Variants in SPOCK1 observed in about 807,000 individuals in gnomAD.
SPOCK1 encodes the protein testican-1.
SPOCK1 carries 23 observed loss-of-function variants against 55.3 expected under a neutral mutation model. The ratio of observed to expected loss-of-function variants is 0.42; its 90% confidence interval spans 0.30 to 0.59. SPOCK1 has a LOEUF of 0.59. Ranked by LOEUF, SPOCK1 falls within the 20% of genes least tolerant of loss-of-function variation. SPOCK1 has a pLI of 0.22. For missense variants in SPOCK1, 499 were observed against 552.5 expected (o/e 0.90, Z 0.97); for synonymous variants, 226 against 221.0 (o/e 1.02, Z -0.20).
At chr5:137,416,367 T>C (rs927566415) in intron 2 of SPOCK1, among the ~76,000 whole-genome samples, 1 of 152,064 alleles carries the variant, frequency 6.6e-6, no homozygotes, top group African/African-American at 2.4e-5. Context: ...CACAAAGATA[T>C]AAAGAACTCT....
At chr5:137,335,497 G>A (rs558842969) in intron 2 of SPOCK1, among the ~76,000 whole-genome samples, 2 of 152,280 alleles carry the variant, frequency 1.3e-5, no homozygotes, top group South Asian at 4.1e-4. Flanking sequence ...AAAAATTGAT[G>A]CTGTAATTTA....
At position 136,978,393 on chromosome 5, in the gene SPOCK1, G is replaced by A; in HGVS notation, c.*261C>T. 2.6e-6 allele frequency: 1 copy of A among 390,206 alleles called. No homozygotes were observed. The highest frequency in any genetic ancestry group is 6.6e-4 in the Middle Eastern group (1 of 1,508). The allele number at this position is 390,206 out of a possible 1,614,324, so 24.2% of individuals were successfully genotyped here. On this transcript the variant is annotated 3_prime_UTR_variant, in exon 11 of 11. Coordinates refer to ENST00000394945, the MANE Select transcript of SPOCK1 (RefSeq NM_004598.4). ...GTTGGAAAAATCTCACAGAAAGGAA[G>A]GAGGCTCTAATTAAGCCAATGACTT...
At chr5:137,126,580 T>C (rs1753785530) in intron 4 of SPOCK1, among the ~76,000 whole-genome samples, 1 of 152,120 alleles carries the variant, frequency 6.6e-6, no homozygotes, top group South Asian at 2.1e-4. Flanking sequence ...CTGTACAACA[T>C]GGAGAAACTC....
intron 6 of SPOCK1, among the ~76,000 whole-genome samples, chr5:137,001,483 T>C (rs1751148297): frequency 6.6e-6 from 1 of 152,188 alleles, no homozygotes. Context: ...CCCAGCTCTC[T>C]CAACTAGAGT....
chr5:137,272,615 C>A (rs909068893), intron 2 of SPOCK1, among the ~76,000 whole-genome samples: 2 of 152,158 alleles, frequency 1.3e-5, no homozygotes, highest in African/African-American at 4.8e-5. Context: ...CCAGCTTGGG[C>A]AGTGACTTGA....
intron 3 of SPOCK1, among the ~76,000 whole-genome samples, chr5:137,213,184 T>C (rs1444479946): frequency 2.6e-5 from 4 of 152,308 alleles, no homozygotes; most frequent in South Asian, 2.1e-4. Flanking sequence ...AGCACCACTG[T>C]AGTCATATCT....
intron 3 of SPOCK1, among the ~76,000 whole-genome samples, chr5:137,186,347 G>T (rs1185627379): frequency 2.6e-5 from 4 of 152,182 alleles, no homozygotes; most frequent in Non-Finnish European, 5.9e-5. Flanking sequence ...CCCGTTTGGG[G>T]TATAGGGGGA....
chr5:137,177,954 G>T (rs769214768), intron 3 of SPOCK1, among the ~76,000 whole-genome samples: 35 of 152,166 alleles, frequency 2.3e-4, no homozygotes, highest in Non-Finnish European at 4.7e-4. Flanking sequence ...GAGGACAAGG[G>T]AAATGGAAGG....
intron 5 of SPOCK1, among the ~76,000 whole-genome samples, chr5:137,076,126 G>C (rs954031533): frequency 6.6e-6 from 1 of 152,152 alleles, no homozygotes; most frequent in African/African-American, 2.4e-5. Flanking sequence ...ATGCAGCAGA[G>C]AGCCCAGACC....
chr5:137,273,079 G>A (rs187915920), intron 2 of SPOCK1, among the ~76,000 whole-genome samples: 15 of 152,266 alleles, frequency 9.9e-5, no homozygotes, highest in Non-Finnish European at 1.6e-4. Context: ...AAATAACAAT[G>A]TCAGTTGCTC....
At chr5:137,432,141 G>A (rs1752760887) in intron 2 of SPOCK1, among the ~76,000 whole-genome samples, 1 of 152,202 alleles carries the variant, frequency 6.6e-6, no homozygotes, top group Non-Finnish European at 1.5e-5. Context: ...TGGAAAAATT[G>A]TGCACCACTG....
chr5:137,129,529 T>C (rs1269662496), intron 4 of SPOCK1, among the ~76,000 whole-genome samples: 1 of 152,036 alleles, frequency 6.6e-6, no homozygotes, highest in Admixed American at 6.6e-5. Flanking sequence ...GCCTAAGGAA[T>C]GGGTGCCACT....
intron 2 of SPOCK1, among the ~76,000 whole-genome samples, chr5:137,432,503 A>C (rs1437824253): frequency 6.6e-6 from 1 of 152,244 alleles, no homozygotes; most frequent in East Asian, 1.9e-4. Flanking sequence ...AGCCAGACAC[A>C]CAAAGACAGA....
chr5:137,425,812 T>G (rs1299283195), intron 2 of SPOCK1, among the ~76,000 whole-genome samples: 12 of 152,228 alleles, frequency 7.9e-5, no homozygotes, highest in Non-Finnish European at 1.5e-5. Flanking sequence ...TCACACTATA[T>G]TATAGAATAG....
intron 2 of SPOCK1, among the ~76,000 whole-genome samples, chr5:137,470,752 A>G (rs1441453816): frequency 6.6e-6 from 1 of 152,190 alleles, no homozygotes; most frequent in Non-Finnish European, 1.5e-5. Context: ...CTGTTCACCA[A>G]ACAGTAAACA....
intron 6 of SPOCK1, among the ~76,000 whole-genome samples, chr5:137,029,502 A>C (rs1374270837): frequency 6.6e-6 from 1 of 152,234 alleles, no homozygotes; most frequent in African/African-American, 2.4e-5. Flanking sequence ...GGGAACTGAG[A>C]CCTAGAGAAG....
At chr5:137,010,771 C>G (rs1751334120) in intron 6 of SPOCK1, among the ~76,000 whole-genome samples, 1 of 152,116 alleles carries the variant, frequency 6.6e-6, no homozygotes. Context: ...TGCCTGAGAA[C>G]AGGAATTACC....
intron 2 of SPOCK1, among the ~76,000 whole-genome samples, chr5:137,347,417 T>C (rs1750582174): frequency 6.6e-6 from 1 of 152,166 alleles, no homozygotes; most frequent in Admixed American, 6.5e-5. Flanking sequence ...TGCTTCTTTG[T>C]CCTTCCAGTA....
At chr5:137,373,187 G>C (rs1751240383) in intron 2 of SPOCK1, among the ~76,000 whole-genome samples, 1 of 152,122 alleles carries the variant, frequency 6.6e-6, no homozygotes, top group Non-Finnish European at 1.5e-5. Context: ...CAAGTATTCT[G>C]TTATAGCAGC....
Sources: gnomAD v4.1 joint callset for allele counts (sites outside exome capture counted in the v4.1 genomes callset) on GRCh38, gnomAD v4.1.1 for gene constraint, MANE v1.5 for transcripts, NCBI Gene and HGNC (gene_info 2026-07-23, HGNC 2026-07-21) for gene names.